Variants in ZMAT4 observed in about 807,000 individuals in gnomAD.
The protein encoded by ZMAT4 is zinc finger matrin-type 4.
A neutral mutation model predicts 28.7 loss-of-function variants in ZMAT4; 17 were observed. The ratio of observed to expected loss-of-function variants is 0.59; its 90% CI spans 0.41 to 0.89. The LOEUF (loss-of-function observed/expected upper bound fraction) is 0.89. ZMAT4 is among the 40% of genes least tolerant of loss of function. The probability of loss-of-function intolerance (pLI) is 0.00; values close to 1 mark genes in which losing one functional copy is unlikely to be tolerated. For missense variants in ZMAT4, 240 were observed against 283.8 expected (o/e 0.85, Z 1.11); for synonymous variants, 117 against 109.2 (o/e 1.07, Z -0.44).
At chr8:40,761,671 T>C (rs1013075532) in intron 3 of ZMAT4, among the ~76,000 whole-genome samples, 5 of 152,200 alleles carry the variant, frequency 3.3e-5, no homozygotes, top group African/African-American at 7.2e-5. Flanking sequence ...CTTTACAGCA[T>C]GCGGCTCTGT....
intron 1 of ZMAT4, among the ~76,000 whole-genome samples, chr8:40,837,780 G>A (rs985519143): frequency 1.3e-5 from 2 of 152,246 alleles, no homozygotes; most frequent in Non-Finnish European, 2.9e-5. Flanking sequence ...GGAAAGCAGA[G>A]TATCATCGCA....
chr8:40,723,651 C>G (rs1427119870), intron 3 of ZMAT4, among the ~76,000 whole-genome samples: 1 of 151,320 alleles, frequency 6.6e-6, no homozygotes, highest in Non-Finnish European at 1.5e-5. Flanking sequence ...TGGAATCTAA[C>G]CAGATTTAGG....
At chr8:40,880,134 A>C (rs976115195) in intron 1 of ZMAT4, among the ~76,000 whole-genome samples, 6 of 152,174 alleles carry the variant, frequency 3.9e-5, no homozygotes, top group Non-Finnish European at 7.4e-5. Context: ...TTGGAAGGCC[A>C]AGACGGGTGG....
intron 6 of ZMAT4, among the ~76,000 whole-genome samples, chr8:40,575,779 C>T (rs1804244307): frequency 6.6e-6 from 1 of 151,494 alleles, no homozygotes; most frequent in Non-Finnish European, 1.5e-5. Context: ...ATGACACCTC[C>T]AAAGGATCAT....
chr8:40,576,989 T>A (rs908616749), intron 6 of ZMAT4, among the ~76,000 whole-genome samples: 2 of 150,908 alleles, frequency 1.3e-5, no homozygotes, highest in Non-Finnish European at 3.0e-5. Context: ...AGGTCAGGAG[T>A]TCAAGACCAG....
At chr8:40,746,302 C>CCTTTCCTTTCCTTTCCT (rs1554549971) in intron 3 of ZMAT4, among the ~76,000 whole-genome samples, 9 of 70,486 alleles carry the variant, frequency 1.3e-4, no homozygotes, top group African/African-American at 4.9e-4. Flanking sequence ...TTCTTTCTCC[C>CCTTTCCTTTCCTTTCCT]TTCCTTTCCT....
chr8:40,852,378 C>T (rs946939548), intron 1 of ZMAT4, among the ~76,000 whole-genome samples: 1 of 152,128 alleles, frequency 6.6e-6, no homozygotes, highest in Non-Finnish European at 1.5e-5. Context: ...AGAAGAGGGA[C>T]ATGGTTTTTA....
chr8:40,797,080 A>G lies in ZMAT4; in HGVS notation c.102+28495T>C, dbSNP rs191924852. 4.6e-5 allele frequency among the ~76,000 whole-genome samples: 7 copies of G among 152,292 alleles called. No homozygotes were observed. In the East Asian group the frequency reaches 1.4e-3, roughly 29 times the overall value. ...CACTGCACACCATTTCCATGCACTC[A>G]GAGCTCTGAGCTTTTGTGCCATCCA... On this transcript the variant is annotated intron_variant, in intron 2 of 6. Transcript: ENST00000297737.
At chr8:40,896,072 A>C (rs975948510) in intron 1 of ZMAT4, among the ~76,000 whole-genome samples, 2 of 151,728 alleles carry the variant, frequency 1.3e-5, no homozygotes, top group African/African-American at 2.4e-5. Context: ...ACCCCCCCCA[A>C]AAAAAAAGTG....
chr8:40,595,593 C>T (rs1805063922), intron 5 of ZMAT4, among the ~76,000 whole-genome samples: 2 of 152,046 alleles, frequency 1.3e-5, no homozygotes, highest in African/African-American at 4.8e-5. Context: ...ATTCTGTAGG[C>T]CATTATTATG....
intron 1 of ZMAT4, among the ~76,000 whole-genome samples, chr8:40,843,682 C>T (rs1201659638): frequency 6.6e-6 from 1 of 152,210 alleles, no homozygotes; most frequent in Non-Finnish European, 1.5e-5. Flanking sequence ...TCAACAGCTG[C>T]TAGCTCTAGG....
intron 1 of ZMAT4, among the ~76,000 whole-genome samples, chr8:40,839,480 C>T (rs947911451): frequency 1.3e-5 from 2 of 152,206 alleles, no homozygotes; most frequent in Admixed American, 1.3e-4. Flanking sequence ...CAGGTATCTA[C>T]CCAAAGGAAA....
chr8:40,599,812 A>AG (rs1176987014), intron 5 of ZMAT4, among the ~76,000 whole-genome samples: 1 of 152,160 alleles, frequency 6.6e-6, no homozygotes, highest in African/African-American at 2.4e-5. Context: ...TGGGAGGCAT[A>AG]GGGGGGCCCC....
At chr8:40,548,800 G>C (rs931920106) in intron 6 of ZMAT4, among the ~76,000 whole-genome samples, 1 of 152,122 alleles carries the variant, frequency 6.6e-6, no homozygotes, top group Admixed American at 6.6e-5. Flanking sequence ...TGTCCATTTG[G>C]TGAAAAACTT....
At chr8:40,601,599 AAAG>A (rs1159293047) in intron 5 of ZMAT4, among the ~76,000 whole-genome samples, 2 of 7,968 alleles carry the variant, frequency 2.5e-4, no homozygotes, top group African/African-American at 5.9e-4. Context: ...AGAAAGAAAG[AAAG>A]AAAGAAAGAA....
At chr8:40,890,100 A>G (rs1301851853) in intron 1 of ZMAT4, among the ~76,000 whole-genome samples, 2 of 152,170 alleles carry the variant, frequency 1.3e-5, no homozygotes, top group Non-Finnish European at 2.9e-5. Context: ...TTTCTTTTAC[A>G]TATTTTTCTT....
chr8:40,650,923 A>G (rs1165796367), intron 5 of ZMAT4, among the ~76,000 whole-genome samples: 4 of 151,962 alleles, frequency 2.6e-5, no homozygotes, highest in Admixed American at 6.5e-5. Flanking sequence ...GATGGGACGT[A>G]TCTCAAAATA....
At chr8:40,569,568 C>T (rs947953471) in intron 6 of ZMAT4, among the ~76,000 whole-genome samples, 4 of 152,176 alleles carry the variant, frequency 2.6e-5, no homozygotes, top group African/African-American at 9.7e-5. Context: ...CTTCTTGACT[C>T]CCTCTTACCC....
In ZMAT4 at chr8:40,844,332, A is replaced by G. The variant is rs1563522105; in HGVS notation, c.-4-18652T>C. ...GACTGAGCAGAGATCACCTCCACCA[A>G]TGAGGATGGGCATCACCCAATTGTT... On this transcript the variant is annotated intron_variant, in intron 1 of 6. Coordinates refer to ENST00000297737, the MANE Select transcript of ZMAT4 (RefSeq NM_024645.3). Among the ~76,000 whole-genome samples the G allele has an allele frequency of 3.9e-5, 6 of 152,246 alleles. No individual in the cohort carries two copies. The South Asian group carries it at 1.2e-3, about 32-fold the overall frequency.
Sources: gnomAD v4.1 joint callset for allele counts (sites outside exome capture counted in the v4.1 genomes callset) on GRCh38, gnomAD v4.1.1 for gene constraint, MANE v1.5 for transcripts, NCBI Gene and HGNC (gene_info 2026-07-23, HGNC 2026-07-21) for gene names.